The following CCBE1 variants were observed in gnomAD, a reference collection of about 807,000 sequenced individuals.
The protein encoded by CCBE1 is collagen and calcium binding EGF domains 1.
In CCBE1, 37 loss-of-function variants were observed where a neutral mutation model predicts 50.0. That is an observed-to-expected ratio of 0.74 (90% confidence interval 0.57 to 0.97). CCBE1 has a LOEUF of 0.97. CCBE1 is among the 50% of genes least tolerant of loss of function. CCBE1 has a pLI of 0.00. For missense variants in CCBE1, 538 were observed against 523.8 expected, an observed-to-expected ratio of 1.03 and a Z score of -0.26; for synonymous variants, 234 against 203.7, an observed-to-expected ratio of 1.15 and a Z score of -1.27.
intron 2 of CCBE1, among the ~76,000 whole-genome samples, chr18:59,527,395 A>C (rs1041810019): frequency 3.3e-5 from 5 of 152,150 alleles, no homozygotes; most frequent in African/African-American, 1.2e-4. Context: ...GTGTCTTTGC[A>C]CAGGAGATGG....
intron 7 of CCBE1, among the ~76,000 whole-genome samples, chr18:59,442,729 AAAAT>A (rs913397768): frequency 1.3e-5 from 2 of 152,122 alleles, no homozygotes; most frequent in African/African-American, 2.4e-5. Flanking sequence ...CTCCATCTCA[AAAAT>A]AAATAAATAA....
intron 2 of CCBE1, among the ~76,000 whole-genome samples, chr18:59,522,943 G>A (rs899957481): frequency 1.4e-5 from 2 of 138,614 alleles, no homozygotes; most frequent in South Asian, 4.7e-4. Context: ...AGTGAGCAGA[G>A]ATCGCGCCAC....
chr18:59,457,646 A>G (rs1400494165), intron 5 of CCBE1, among the ~76,000 whole-genome samples: 1 of 152,214 alleles, frequency 6.6e-6, no homozygotes, highest in African/African-American at 2.4e-5. Flanking sequence ...CAGGATGAAC[A>G]TGAATAACAA....
At chr18:59,635,602 G>A (rs941862310) in intron 2 of CCBE1, among the ~76,000 whole-genome samples, 1 of 152,094 alleles carries the variant, frequency 6.6e-6, no homozygotes, top group African/African-American at 2.4e-5. Context: ...ATAAAATACT[G>A]TGTTATTCAG....
chr18:59,644,989 C>T (rs1425047064), intron 2 of CCBE1, among the ~76,000 whole-genome samples: 1 of 152,226 alleles, frequency 6.6e-6, no homozygotes, highest in African/African-American at 2.4e-5. Context: ...GATGCAGTGG[C>T]TCACACCTGT....
At chr18:59,597,064 T>C (rs1366920) in intron 2 of CCBE1, among the ~76,000 whole-genome samples, 51,772 of 152,104 alleles carry the variant, frequency 0.34, 9,365 homozygotes, top group East Asian at 0.62. Context: ...AATCTTGAGC[T>C]GGCCAGGGCA....
chr18:59,508,404 C>T (rs1318557006), intron 2 of CCBE1, among the ~76,000 whole-genome samples: 5 of 151,654 alleles, frequency 3.3e-5, no homozygotes, highest in African/African-American at 9.7e-5. Flanking sequence ...GAGACCAGCC[C>T]AGCCAAAATG....
chr18:59,691,914 G>C (rs553147246), intron 2 of CCBE1, among the ~76,000 whole-genome samples: 1 of 152,150 alleles, frequency 6.6e-6, no homozygotes, highest in Non-Finnish European at 1.5e-5. Flanking sequence ...CATAATCCTG[G>C]GGAAGGGATG....
Position 59,435,872 on chromosome 18 carries a change from C to T in CCBE1, c.*36G>A, listed in dbSNP as rs1324048092. 1.9e-6 allele frequency: 3 copies of T among 1,577,698 alleles called. No individual in the cohort carries two copies. The highest frequency in any genetic ancestry group is 2.2e-5 in the South Asian group (2 of 90,336). On this transcript the variant is annotated 3_prime_UTR_variant, in exon 11 of 11. Transcript: ENST00000439986. The stretch of plus-strand genomic sequence containing the variant: ...ATGGTTTAACTGCAGGTGAGTTGAT[C>T]TTTCTCTTCCTTTGGCGTGACGGTG...
chr18:59,602,103 A>T (rs1043588941), intron 2 of CCBE1, among the ~76,000 whole-genome samples: 7 of 150,772 alleles, frequency 4.6e-5, no homozygotes, highest in African/African-American at 1.5e-4. Context: ...TGTTATTACA[A>T]ATGTGAATTC....
At chr18:59,447,634 G>T (rs1411551246) in intron 7 of CCBE1, among the ~76,000 whole-genome samples, 1 of 152,164 alleles carries the variant, frequency 6.6e-6, no homozygotes, top group Non-Finnish European at 1.5e-5. Flanking sequence ...CCAAGCAGGG[G>T]GGGTTCATAA....
intron 10 of CCBE1, 54 bp from the exon 11 acceptor site, chr18:59,436,195 G>A (rs553688594): frequency 4.0e-5 from 60 of 1,506,800 alleles, no homozygotes; most frequent in Admixed American, 5.0e-5. Flanking sequence ...AATGGCCTCC[G>A]GGGCTCCATG....
intron 2 of CCBE1, among the ~76,000 whole-genome samples, chr18:59,670,621 A>G (rs968387863): frequency 3.9e-5 from 6 of 152,176 alleles, no homozygotes. Context: ...AAGTGATTCT[A>G]TATCTTACAC....
intron 2 of CCBE1, among the ~76,000 whole-genome samples, chr18:59,657,655 C>A (rs915995479): frequency 2.6e-5 from 4 of 152,174 alleles, no homozygotes; most frequent in South Asian, 2.1e-4. Context: ...ACTTTGGGAT[C>A]TGAGGCGGAC....
chr18:59,617,492 T>C (rs1404335022), intron 2 of CCBE1, among the ~76,000 whole-genome samples: 2 of 152,186 alleles, frequency 1.3e-5, no homozygotes, highest in African/African-American at 4.8e-5. Context: ...TTAATCAAAA[T>C]GGAGAGAAAT....
chr18:59,454,640 C>T (rs1911094061), intron 6 of CCBE1, among the ~76,000 whole-genome samples: 1 of 152,228 alleles, frequency 6.6e-6, no homozygotes, highest in Non-Finnish European at 1.5e-5. Context: ...TTAATAATTG[C>T]CTCTGCAATC....
chr18:59,647,447 A>G (rs72966911), intron 2 of CCBE1, among the ~76,000 whole-genome samples: 13,795 of 152,230 alleles, frequency 0.091, 773 homozygotes, highest in East Asian at 0.12. Context: ...TTATTTTTGT[A>G]TTGTTTTCAT....
chr18:59,514,645 G>GAA (rs11438608), intron 2 of CCBE1, among the ~76,000 whole-genome samples: 20,491 of 95,844 alleles, frequency 0.21, 1,854 homozygotes, highest in Middle Eastern at 0.3. Flanking sequence ...TCCTTTCCTT[G>GAA]AAAAAAAAAA....
intron 2 of CCBE1, among the ~76,000 whole-genome samples, chr18:59,602,272 C>T (rs2053443341): frequency 6.6e-6 from 1 of 152,128 alleles, no homozygotes; most frequent in South Asian, 2.1e-4. Flanking sequence ...GCTAAGTTTT[C>T]CTGTGACTGT....
Sources: allele counts gnomAD v4.1 joint callset (sites outside exome capture counted in the v4.1 genomes callset), GRCh38; gene constraint gnomAD v4.1.1; transcripts MANE v1.5; gene names NCBI Gene and HGNC (gene_info 2026-07-23, HGNC 2026-07-21).